PKP1: variants seen among roughly 807,000 people sequenced by gnomAD.
PKP1 encodes the protein plakophilin 1.
A neutral mutation model predicts 76.4 loss-of-function variants in PKP1; 27 were observed. That is an observed-to-expected ratio of 0.35 (90% CI 0.26 to 0.49). PKP1 has a LOEUF of 0.49. Ranked by LOEUF, PKP1 falls within the 20% of genes least tolerant of loss-of-function variation. The pLI is 0.99. For synonymous variants in PKP1, 404 were observed against 384.2 expected (o/e 1.05, Z -0.60); for missense variants, 964 against 955.2 (o/e 1.01, Z -0.12).
chr1:201,290,940 T>C (rs1655898837), intron 1 of PKP1, among the ~76,000 whole-genome samples: 1 of 152,138 alleles, frequency 6.6e-6, no homozygotes, highest in Non-Finnish European at 1.5e-5. Context: ...TTACACTCAT[T>C]AGAAGCCCAT....
chr1:201,319,757 C>T (rs572940549), intron 6 of PKP1: 118 of 1,568,534 alleles, frequency 7.5e-5, no homozygotes, highest in South Asian at 1.4e-4. Context: ...GTGCCCAGCC[C>T]GGCCACCCCC....
intron 9 of PKP1, 133 bp from the exon 10 acceptor site, chr1:201,324,295 T>A (rs1172059250): frequency 2.3e-6 from 2 of 885,710 alleles, no homozygotes; most frequent in Admixed American, 3.9e-5. Context: ...GTTGCCCACA[T>A]GTGAGCTAGT....
chr1:201,318,621 T>C lies in PKP1; in HGVS notation c.1058T>C (p.Leu353Pro). Residue 353 changes from leucine to proline, a missense_variant, in exon 6 of 14, where the codon CTG (leucine) becomes CCG (proline). By Grantham distance (98) the Leu-to-Pro change is moderately conservative. Transcript: ENST00000367324. ...NAEIQKQLTGLLWNLSSTDEL... is the reference protein window; with the variant it reads ...NAEIQKQLTGPLWNLSSTDEL... Reference sequence around the variant, plus strand: ...GTTGATGGTCTCTGACCCCCAGGGCTGCTCTGGAACCTGTCTTCCACTGAC... The same window carrying C: ...GTTGATGGTCTCTGACCCCCAGGGCCGCTCTGGAACCTGTCTTCCACTGAC... The C allele has an allele frequency of 6.2e-7, 1 of 1,612,174 alleles. No individual in the cohort carries two copies. Among genetic ancestry groups the C allele is most frequent in the Non-Finnish European group, 8.5e-7 (1 of 1,179,900 alleles).
intron 2 of PKP1, among the ~76,000 whole-genome samples, chr1:201,307,542 C>T (rs929560909): frequency 4.6e-5 from 7 of 152,172 alleles, no homozygotes; most frequent in South Asian, 2.1e-4. Context: ...CAGCCTTGCT[C>T]GGGGAGCACC....
In PKP1 at chr1:201,320,575, C is replaced by A. The variant is rs1628556; in HGVS notation, c.1347+194C>A. On this transcript the variant is annotated intron_variant, in intron 7 of 13. Transcript: ENST00000367324. ...CAGCGTGCCCATGCAAATCCACTCT[C>A]CCTCACTTAGAAGTGGAGTAGATGC... Among the ~76,000 whole-genome samples the A allele has an allele frequency of 0.18, 26,658 of 152,192 alleles. 2,560 individuals are homozygous for A. The highest frequency in any genetic ancestry group is 0.23 in the East Asian group (1,175 of 5,168).
intron 6 of PKP1, 51 bp downstream of exon 6, chr1:201,318,846 C>A (rs1159750598): frequency 1.4e-6 from 2 of 1,436,028 alleles, no homozygotes; most frequent in Non-Finnish European, 1.9e-6. Flanking sequence ...TGGGCCCTTC[C>A]CCAGGCAGCC....
chr1:201,284,896 G>T (rs1655684500), intron 1 of PKP1, among the ~76,000 whole-genome samples: 1 of 152,166 alleles, frequency 6.6e-6, no homozygotes, highest in Admixed American at 6.5e-5. Flanking sequence ...CATGACTGGG[G>T]GAACCTGGGA....
At chr1:201,324,326 AG>A (rs1657041287) in intron 9 of PKP1, 101 bp from the exon 10 acceptor site, 2 of 1,229,894 alleles carry the variant, frequency 1.6e-6, no homozygotes, top group African/African-American at 1.5e-5. Context: ...TGAAAGAGAA[AG>A]GGTTCTGGGA....
At chr1:201,313,042 C>A in intron 2 of PKP1, 124 bp from the exon 3 acceptor site, 1 of 1,057,104 alleles carries the variant, frequency 9.5e-7, no homozygotes, top group Non-Finnish European at 1.4e-6. Flanking sequence ...CCTTCCACGC[C>A]AAACATTCTG....
At chr1:201,329,327 C>CT (rs2102190507) in intron 13 of PKP1, among the ~76,000 whole-genome samples, 1 of 152,314 alleles carries the variant, frequency 6.6e-6, no homozygotes, top group African/African-American at 2.4e-5. Context: ...TGATTCTAGG[C>CT]CCCCAAAACT....
rs988023360 is a variant in PKP1 at position 201,307,401 on chromosome 1, G to A, written c.307-5765G>A. Among the ~76,000 whole-genome samples, 3 of 152,210 alleles carry A rather than the reference G, an allele frequency of 2.0e-5. No homozygotes were observed. In the South Asian group the frequency reaches 6.2e-4, roughly 31 times the overall value. On this transcript the variant is annotated intron_variant, in intron 2 of 13. Coordinates refer to ENST00000367324, the MANE Select transcript of PKP1 (RefSeq NM_001005337.3). ...GGAGGCAGGGATCGACACTTCCCCT[G>A]CTGAAGTCCCATCTGTTGTGACTCA...
Position 201,320,992 on chromosome 1 carries a change from T to C in PKP1, c.1347+611T>C, listed in dbSNP as rs1035130520. Among the ~76,000 whole-genome samples the C allele has an allele frequency of 9.9e-5, 15 of 152,264 alleles. No homozygotes were observed. In the South Asian group the frequency reaches 2.7e-3, roughly 27 times the overall value. On this transcript the variant is annotated intron_variant, in intron 7 of 13. Coordinates refer to ENST00000367324, the MANE Select transcript of PKP1 (RefSeq NM_001005337.3). ...AGACAAACAGAAAGAAAAAAAGTTG[T>C]GGAGGGCAGATAAACAGAAGGCTGA...
rs1172772289 is a variant in PKP1, at chr1:201,328,856, G to A, written c.*20G>A. The A allele has an allele frequency of 1.2e-6, 2 of 1,604,668 alleles. No individual in the cohort carries two copies. The highest frequency in any genetic ancestry group is 1.7e-5 in the Admixed American group (1 of 60,022). On this transcript the variant is annotated 3_prime_UTR_variant, in exon 13 of 14. Transcript: ENST00000367324. ...TTCTAAGAAGAGACTGTCCAAGCAA[G>A]TTAGGCTTGCAGGTAAGAATCACCC...
intron 2 of PKP1, among the ~76,000 whole-genome samples, chr1:201,304,180 G>A (rs1293093813): frequency 6.6e-6 from 1 of 152,288 alleles, no homozygotes; most frequent in East Asian, 1.9e-4. Flanking sequence ...CTGAGTTGGG[G>A]TGCTCACGGG....
At chr1:201,304,692 G>A (rs1449351767) in intron 2 of PKP1, among the ~76,000 whole-genome samples, 1 of 152,188 alleles carries the variant, frequency 6.6e-6, no homozygotes, top group Non-Finnish European at 1.5e-5. Context: ...AGATGCTAGA[G>A]TTTCTGTAGA....
chr1:201,318,597 T>C (rs376919433), intron 5 of PKP1, 21 bp from the exon 6 acceptor site: 7 of 1,611,438 alleles, frequency 4.3e-6, no homozygotes, highest in East Asian at 4.5e-5. Flanking sequence ...ACAAATTGGG[T>C]TGATGGTCTC....
chr1:201,318,855 C>A, intron 6 of PKP1, 60 bp downstream of exon 6: 2 of 1,383,190 alleles, frequency 1.4e-6, no homozygotes, highest in Non-Finnish European at 2.0e-6. Context: ...CCCCAGGCAG[C>A]CCCATCTCAG....
chr1:201,307,114 T>C (rs967878435), intron 2 of PKP1, among the ~76,000 whole-genome samples: 3 of 151,312 alleles, frequency 2.0e-5, no homozygotes, highest in African/African-American at 7.4e-5. Context: ...CTTCTGGAGT[T>C]CTCACCTGGG....
intron 1 of PKP1, among the ~76,000 whole-genome samples, chr1:201,285,265 C>CT (rs1227263464): frequency 2.3e-5 from 3 of 129,612 alleles, no homozygotes; most frequent in Admixed American, 7.7e-5. Flanking sequence ...CACACACACA[C>CT]CTCACACTTC....
Sources: gnomAD v4.1 joint callset for allele counts (sites outside exome capture counted in the v4.1 genomes callset) on GRCh38, gnomAD v4.1.1 for gene constraint, MANE v1.5 for transcripts, NCBI Gene and HGNC (gene_info 2026-07-23, HGNC 2026-07-21) for gene names.